Variants in ATRNL1 observed in about 807,000 individuals in gnomAD.
ATRNL1 encodes the protein attractin-like protein 1.
A neutral mutation model predicts 182.7 loss-of-function variants in ATRNL1; 95 were observed. The ratio of observed to expected loss-of-function variants is 0.52; its 90% CI spans 0.44 to 0.62. The LOEUF is 0.62. Ranked by LOEUF, ATRNL1 falls within the 20% of genes least tolerant of loss-of-function variation. ATRNL1 has a pLI of 0.00. For missense variants in ATRNL1, 1,471 were observed against 1,679.5 expected, an observed-to-expected ratio of 0.88 and a Z score of 2.17; for synonymous variants, 576 against 568.3, an observed-to-expected ratio of 1.01 and a Z score of -0.19.
At chr10:115,598,907 C>T (rs1199985516) in intron 26 of ATRNL1, among the ~76,000 whole-genome samples, 3 of 126,968 alleles carry the variant, frequency 2.4e-5, no homozygotes, top group Non-Finnish European at 5.1e-5. Flanking sequence ...TAAGTTTTTG[C>T]ACGTAGTTGT....
At chr10:115,414,059 A>G (rs1845272810) in intron 20 of ATRNL1, among the ~76,000 whole-genome samples, 1 of 152,086 alleles carries the variant, frequency 6.6e-6, no homozygotes, top group Admixed American at 6.6e-5. Context: ...TCTCCGGCTC[A>G]GTATTTGTTC....
intron 26 of ATRNL1, among the ~76,000 whole-genome samples, chr10:115,595,939 C>G (rs530839996): frequency 2.6e-5 from 4 of 152,038 alleles, no homozygotes; most frequent in South Asian, 2.1e-4. Flanking sequence ...ACTACTTCAT[C>G]TCAAGTCAAA....
chr10:115,258,023 C>T (rs1161585589), intron 10 of ATRNL1, among the ~76,000 whole-genome samples: 2 of 152,188 alleles, frequency 1.3e-5, no homozygotes, highest in African/African-American at 4.8e-5. Context: ...TGACCTTTCT[C>T]TCTGGCTGTC....
At chr10:115,344,197 C>T (rs1232498808) in intron 19 of ATRNL1, among the ~76,000 whole-genome samples, 2 of 152,152 alleles carry the variant, frequency 1.3e-5, no homozygotes, top group African/African-American at 4.8e-5. Context: ...CCAGCTAGGC[C>T]TGTGTTCTTC....
chr10:115,349,261 C>T (rs781978260), intron 19 of ATRNL1, among the ~76,000 whole-genome samples: 1 of 152,284 alleles, frequency 6.6e-6, no homozygotes, highest in Non-Finnish European at 1.5e-5. Flanking sequence ...TTCTCTAGTT[C>T]CATCAGTGTC....
At chr10:115,787,661 G>T (rs6585364) in intron 27 of ATRNL1, among the ~76,000 whole-genome samples, 123,993 of 151,992 alleles carry the variant, frequency 0.82, 50,717 homozygotes, top group East Asian at 0.96. Flanking sequence ...CCTATTTCAT[G>T]TGGGTTTGTT....
At chr10:115,708,787 T>C (rs1555053695) in intron 26 of ATRNL1, among the ~76,000 whole-genome samples, 1 of 151,848 alleles carries the variant, frequency 6.6e-6, no homozygotes, top group Non-Finnish European at 1.5e-5. Context: ...ACTGGTTCTG[T>C]GTATTTGCTA....
intron 10 of ATRNL1, among the ~76,000 whole-genome samples, chr10:115,262,233 A>G: frequency 6.6e-6 from 1 of 151,290 alleles, no homozygotes; most frequent in East Asian, 1.9e-4. Flanking sequence ...TCACACATGT[A>G]TATATTTAAA....
chr10:115,175,792 C>T (rs547015361), intron 8 of ATRNL1, among the ~76,000 whole-genome samples: 2 of 152,098 alleles, frequency 1.3e-5, no homozygotes, highest in South Asian at 4.2e-4. Context: ...TATGTGGTGT[C>T]ATAAAATAAT....
intron 19 of ATRNL1, among the ~76,000 whole-genome samples, chr10:115,351,538 A>G (rs1856249928): frequency 6.6e-6 from 1 of 152,136 alleles, no homozygotes; most frequent in African/African-American, 2.4e-5. Context: ...ATGTTATAGC[A>G]AATATGCTAT....
chr10:115,356,605 C>G (rs1278014755), intron 19 of ATRNL1, among the ~76,000 whole-genome samples: 1 of 151,848 alleles, frequency 6.6e-6, no homozygotes, highest in Admixed American at 6.6e-5. Flanking sequence ...CTGTTAGATG[C>G]TTTTAAAAAG....
rs782432237 is a variant in ATRNL1 at position 115,165,643 on chromosome 10, C to G, written c.1090C>G (p.Gln364Glu). 13 of 1,504,292 alleles carry G rather than the reference C, an allele frequency of 8.6e-6. No individual in the cohort carries two copies. In the Middle Eastern group the frequency reaches 1.6e-3, roughly 184 times the overall value. The allele number at this position is 1,504,292 out of a possible 1,614,324, so 93.2% of individuals were successfully genotyped here. ...QRYGHSLALY[Q>E]ENIFMYGGRI... Reference sequence around the variant, plus strand: ...ATATGGACACTCTCTTGCTTTATATCAGGTATGGCTCCTGCTTTTTAAATT... The same window carrying G: ...ATATGGACACTCTCTTGCTTTATATGAGGTATGGCTCCTGCTTTTTAAATT... The change falls in exon 7 of 29, where the codon CAG becomes GAG. Residue 364 changes from glutamine (Q) to glutamate (E), a missense_variant and splice_region_variant. By Grantham distance (29) the Gln-to-Glu change is conservative. This residue lies in a region of ATRNL1 where 1,031 missense variants were observed against 1,156.0 expected (regional missense o/e 0.89). Coordinates refer to ENST00000355044, the MANE Select transcript of ATRNL1 (RefSeq NM_207303.4).
intron 8 of ATRNL1, among the ~76,000 whole-genome samples, chr10:115,214,621 A>T (rs1044517292): frequency 6.6e-6 from 1 of 152,104 alleles, no homozygotes; most frequent in Non-Finnish European, 1.5e-5. Context: ...GCTGACTAGG[A>T]TGCCACATTT....
chr10:115,308,009 T>C (rs1853822014), intron 17 of ATRNL1, among the ~76,000 whole-genome samples: 1 of 152,196 alleles, frequency 6.6e-6, no homozygotes, highest in Admixed American at 6.5e-5. Context: ...AAACTTTGTA[T>C]TGGAAGTGGT....
chr10:115,485,898 C>T (rs1387205664), intron 24 of ATRNL1, among the ~76,000 whole-genome samples: 1 of 150,942 alleles, frequency 6.6e-6, no homozygotes, highest in Non-Finnish European at 1.5e-5. Context: ...ACCACAGCCC[C>T]CCACCCCCCA....
At chr10:115,379,843 T>C (rs942678226) in intron 19 of ATRNL1, among the ~76,000 whole-genome samples, 6 of 152,230 alleles carry the variant, frequency 3.9e-5, no homozygotes, top group African/African-American at 1.4e-4. Context: ...TTTTTTTCTT[T>C]TGAGACGGAG....
At chr10:115,862,619 C>T (rs1951341593) in intron 28 of ATRNL1, among the ~76,000 whole-genome samples, 1 of 152,220 alleles carries the variant, frequency 6.6e-6, no homozygotes, top group South Asian at 2.1e-4. Context: ...GCTGGTACAA[C>T]AACCGTGTTG....
At chr10:115,122,370 C>T (rs1392231501) in intron 3 of ATRNL1, among the ~76,000 whole-genome samples, 1 of 151,602 alleles carries the variant, frequency 6.6e-6, no homozygotes, top group Admixed American at 6.6e-5. Context: ...ATTTAAAAAT[C>T]TTTTCTTGTG....
intron 5 of ATRNL1, among the ~76,000 whole-genome samples, chr10:115,147,858 CTA>C (rs1846040669): frequency 6.6e-6 from 1 of 152,112 alleles, no homozygotes; most frequent in Non-Finnish European, 1.5e-5. Flanking sequence ...GTTTTGGTTA[CTA>C]TAGCCTTGTA....
Sources: allele counts gnomAD v4.1 joint callset (sites outside exome capture counted in the v4.1 genomes callset), GRCh38; gene constraint gnomAD v4.1.1; regional missense constraint gnomAD v4.1.1; transcripts MANE v1.5; gene names NCBI Gene and HGNC (gene_info 2026-07-23, HGNC 2026-07-21).